Variants in CUX1 observed in about 807,000 individuals in gnomAD.
The protein encoded by CUX1 is cut like homeobox 1.
Under a neutral mutation model 158.8 loss-of-function variants are expected in CUX1, and 31 were observed. The ratio of observed to expected loss-of-function variants is 0.20; its 90% CI spans 0.15 to 0.26. CUX1 has a LOEUF of 0.26. Among genes scored for constraint, CUX1 ranks in the 10% least tolerant of loss-of-function variants. The pLI, the probability that CUX1 is intolerant of heterozygous loss-of-function variation, is 1.00. For synonymous variants in CUX1, 879 were observed against 862.1 expected, an observed-to-expected ratio of 1.02 and a Z score of -0.34; for missense variants, 1,589 against 2,014.6, an observed-to-expected ratio of 0.79 and a Z score of 4.04.
intron 4 of CUX1, among the ~76,000 whole-genome samples, chr7:102,076,371 C>G (rs1234017104): frequency 3.3e-5 from 5 of 150,800 alleles, no homozygotes; most frequent in African/African-American, 1.2e-4. Flanking sequence ...GGTGACAGAG[C>G]AAGACTGTCT....
At chr7:101,899,306 T>C (rs1234120444) in intron 1 of CUX1, among the ~76,000 whole-genome samples, 2 of 152,154 alleles carry the variant, frequency 1.3e-5, no homozygotes, top group Non-Finnish European at 2.9e-5. Context: ...CCCAGCACTT[T>C]GGGAGGCCAA....
intron 21 of CUX1, chr7:102,282,607 G>A: frequency 8.2e-7 from 1 of 1,217,092 alleles, no homozygotes; most frequent in South Asian, 1.4e-5. Flanking sequence ...CCGGAGTCTG[G>A]GGCTCGAGAA....
intron 3 of CUX1, among the ~76,000 whole-genome samples, chr7:102,067,399 G>A (rs1053458475): frequency 2.0e-4 from 30 of 151,562 alleles, no homozygotes; most frequent in East Asian, 5.8e-4. Context: ...CACCATGCCC[G>A]GCTAATTTTT....
intron 2 of CUX1, among the ~76,000 whole-genome samples, chr7:102,001,624 G>A (rs553673715): frequency 3.0e-4 from 45 of 152,282 alleles, no homozygotes; most frequent in Middle Eastern, 3.4e-3. Flanking sequence ...GATTACAGGC[G>A]TGAGCCACCG....
intron 1 of CUX1, among the ~76,000 whole-genome samples, chr7:101,856,654 A>T (rs1796860462): frequency 6.6e-6 from 1 of 152,148 alleles, no homozygotes. Context: ...GAGCAAGTCC[A>T]ACTCTTCCTC....
chr7:102,082,329 C>G (rs185722431), intron 4 of CUX1, among the ~76,000 whole-genome samples: 1 of 146,606 alleles, frequency 6.8e-6, no homozygotes, highest in East Asian at 1.9e-4. Context: ...GAGTTCGAGA[C>G]CAGCCTGGCC....
intron 1 of CUX1, among the ~76,000 whole-genome samples, chr7:101,865,115 TG>T (rs1207053070): frequency 6.6e-6 from 1 of 152,154 alleles, no homozygotes. Flanking sequence ...GCCTCGGCCC[TG>T]GGAGATAGAA....
rs961639769 is a variant in CUX1, at chr7:102,110,126, A to G, written c.531-1572A>G. Among the ~76,000 whole-genome samples the G allele has an allele frequency of 1.1e-4, 16 of 152,328 alleles. No individual in the cohort carries two copies. The East Asian group carries it at 2.9e-3, about 28-fold the overall frequency. On this transcript the variant is annotated intron_variant, in intron 6 of 23. Transcript: ENST00000292535. ...CAGGGAGATTATATTATACTATACT[A>G]TATTAAACACTTCTATTTCAGTAGC...
intron 1 of CUX1, among the ~76,000 whole-genome samples, chr7:101,837,613 G>A (rs1794763985): frequency 6.6e-6 from 1 of 151,862 alleles, no homozygotes; most frequent in South Asian, 2.1e-4. Context: ...TGGATTGCTT[G>A]AGCCCAGGAG....
intron 8 of CUX1, 79 bp downstream of exon 8, chr7:102,115,352 G>A: frequency 1.6e-6 from 2 of 1,231,266 alleles, no homozygotes; most frequent in Non-Finnish European, 2.3e-6. Context: ...GATCGAGAAG[G>A]TTCTTGACCT....
intron 3 of CUX1, among the ~76,000 whole-genome samples, chr7:102,043,989 CT>C (rs564764124): frequency 6.6e-6 from 1 of 152,104 alleles, no homozygotes; most frequent in Non-Finnish European, 1.5e-5. Context: ...GTTTGCATGT[CT>C]TTTTTTAGAG....
chr7:101,830,947 G>A (rs1793919878), intron 1 of CUX1, among the ~76,000 whole-genome samples: 2 of 152,096 alleles, frequency 1.3e-5, no homozygotes, highest in African/African-American at 4.8e-5. Context: ...TGTTGGGGCC[G>A]TGCATCCATT....
chr7:102,127,134 G>A lies in CUX1; in HGVS notation c.674+11861G>A, dbSNP rs905659846. 9.2e-5 allele frequency among the ~76,000 whole-genome samples: 14 copies of A among 152,302 alleles called. No individual in the cohort carries two copies. The East Asian group carries it at 1.9e-3, about 21-fold the overall frequency. ...TCCTGCAGCGCATCTCCTGCTGTGCGGCCCAGTTCCTAGCAGGCCACAGAT... is the reference window on the plus strand; with the variant it reads ...TCCTGCAGCGCATCTCCTGCTGTGCAGCCCAGTTCCTAGCAGGCCACAGAT... On this transcript the variant is annotated intron_variant, in intron 8 of 23. Coordinates refer to ENST00000292535, the MANE Select transcript of CUX1 (RefSeq NM_181552.4).
intron 2 of CUX1, among the ~76,000 whole-genome samples, chr7:101,951,740 C>G (rs1454692167): frequency 6.6e-6 from 1 of 152,226 alleles, no homozygotes. Flanking sequence ...ATCTCCTGAC[C>G]TTGTGATCCG....
At chr7:102,111,583 G>C in intron 6 of CUX1, 115 bp from the exon 7 acceptor site, 1 of 895,912 alleles carries the variant, frequency 1.1e-6, no homozygotes, top group Non-Finnish European at 1.8e-6. Context: ...GATACCCCGT[G>C]GTGCGCCTGC....
chr7:102,003,640 G>T (rs888976328), intron 2 of CUX1, among the ~76,000 whole-genome samples: 1 of 152,132 alleles, frequency 6.6e-6, no homozygotes, highest in Non-Finnish European at 1.5e-5. Context: ...GGTCACCCCA[G>T]GTGGTTTCAG....
intron 1 of CUX1, among the ~76,000 whole-genome samples, chr7:101,893,985 G>A (rs916155208): frequency 6.6e-6 from 1 of 152,162 alleles, no homozygotes; most frequent in Non-Finnish European, 1.5e-5. Flanking sequence ...TTTTGGTACT[G>A]TGTGAAATAT....
chr7:101,874,391 C>A (rs796670716), intron 1 of CUX1, among the ~76,000 whole-genome samples: 11 of 152,274 alleles, frequency 7.2e-5, no homozygotes, highest in Middle Eastern at 3.4e-3. Context: ...TAAAAAGCAG[C>A]GGAAACATGG....
At chr7:101,882,043 G>T (rs1223235133) in intron 1 of CUX1, among the ~76,000 whole-genome samples, 1 of 150,928 alleles carries the variant, frequency 6.6e-6, no homozygotes, top group African/African-American at 2.4e-5. Flanking sequence ...AATCAGCTGG[G>T]CTTGGTGGTG....
Sources: gnomAD v4.1 joint callset for allele counts (sites outside exome capture counted in the v4.1 genomes callset) on GRCh38, gnomAD v4.1.1 for gene constraint, MANE v1.5 for transcripts, NCBI Gene and HGNC (gene_info 2026-07-23, HGNC 2026-07-21) for gene names.